SLC5A10: variants seen among roughly 807,000 people sequenced by gnomAD.
SLC5A10 encodes the protein sodium/mannose cotransporter SLC5A10.
Under a neutral mutation model 68.9 loss-of-function variants are expected in SLC5A10, and 55 were observed. That is an observed-to-expected ratio of 0.80 (90% CI 0.64 to 1.00). SLC5A10 has a LOEUF of 1.00. Ranked by LOEUF, SLC5A10 falls within the 50% of genes least tolerant of loss-of-function variation. SLC5A10 has a pLI of 0.00. For missense variants in SLC5A10, 732 were observed against 819.3 expected, an observed-to-expected ratio of 0.89 and a Z score of 1.30; for synonymous variants, 344 against 344.8, an observed-to-expected ratio of 1.00 and a Z score of 0.02.
intron 9 of SLC5A10, chr17:18,978,884 A>G: frequency 1.2e-6 from 2 of 1,604,356 alleles, no homozygotes; most frequent in Non-Finnish European, 1.7e-6. Flanking sequence ...GGTCAGGCAC[A>G]TGACCCTGCT....
intron 2 of SLC5A10, 135 bp from the exon 3 acceptor site, chr17:18,959,000 A>G: frequency 1.2e-6 from 1 of 868,226 alleles, no homozygotes; most frequent in Non-Finnish European, 1.8e-6. Flanking sequence ...TAGAACACAC[A>G]CCCTGGGCTC....
At position 18,958,667 on chromosome 17, in the gene SLC5A10, T is replaced by C. The variant is rs141528556; in HGVS notation, c.112-15T>C. 56 of 1,613,990 alleles carry C rather than the reference T, an allele frequency of 3.5e-5. No individual in the cohort carries two copies. In the African/African-American group the frequency reaches 6.4e-4, roughly 18 times the overall value. On this transcript the variant is annotated splice_polypyrimidine_tract_variant and intron_variant, in intron 1 of 14. Coordinates refer to ENST00000395645, the MANE Select transcript of SLC5A10 (RefSeq NM_001042450.4). ...GTGCGGGCTTCCAACTCCTGTCCCT[T>C]TTCTCCTCTTGCAGTCCTCTTGTCG... is the stretch of plus-strand genomic sequence containing the variant.
In SLC5A10 at chr17:19,017,216, G is replaced by C. The variant is rs2044157967; in HGVS notation, c.1241+2017G>C. ...GCCCCAGTTCTCTCAGCTGCCAGCTGGATAGAGCAGAAAGGGCCCCGTGCC... is the reference window on the plus strand; with the variant it reads ...GCCCCAGTTCTCTCAGCTGCCAGCTCGATAGAGCAGAAAGGGCCCCGTGCC... On this transcript the variant is annotated intron_variant, in intron 11 of 14. Coordinates refer to ENST00000395645, the MANE Select transcript of SLC5A10 (RefSeq NM_001042450.4). The surrounding 1 kb of genome is among the most constrained non-coding windows in gnomAD (Gnocchi z 5.6). The C allele has an allele frequency of 7.2e-7, 1 of 1,398,226 alleles. No homozygotes were observed. 86.6% of individuals were successfully genotyped at this position (1,398,226 alleles called of 1,614,324 possible). A position where few individuals can be genotyped will look rare whatever the true frequency, so the allele number is the denominator to read the frequency against.
At position 19,021,573 on chromosome 17, in the gene SLC5A10, A is replaced by G; in HGVS notation, c.*1142A>G. ...CCAGTGGGTGGTCAGCCCAAGGTGA[A>G]CCCACCCACCATGGCCAGGGTTCCT... On this transcript the variant is annotated 3_prime_UTR_variant, in exon 15 of 15. Coordinates refer to ENST00000395645, the MANE Select transcript of SLC5A10 (RefSeq NM_001042450.4). This position sits in a 1 kb window ranked among gnomAD's most constrained non-coding sequence, Gnocchi z 4.1. The G allele has an allele frequency of 2.7e-6, 1 of 366,932 alleles. No individual in the cohort carries two copies. Among genetic ancestry groups the G allele is most frequent in the Non-Finnish European group, 4.9e-6 (1 of 205,808 alleles). 22.7% of individuals were successfully genotyped at this position (366,932 alleles called of 1,614,324 possible).
At position 18,957,074 on chromosome 17, in the gene SLC5A10, G is replaced by A. The variant is rs139799077; in HGVS notation, c.112-1608G>A. Reference sequence around the variant, plus strand: ...TGAGGCAGGAGAACCGCTCGAACCCGGGAGGTGAAGGTTGCCGTGAGCCAA... The same window carrying A: ...TGAGGCAGGAGAACCGCTCGAACCCAGGAGGTGAAGGTTGCCGTGAGCCAA... On this transcript the variant is annotated intron_variant, in intron 1 of 14. Transcript: ENST00000395645. Among the ~76,000 whole-genome samples the A allele has an allele frequency of 9.9e-3, 1,512 of 152,218 alleles. 22 individuals are homozygous for A. Among genetic ancestry groups the A allele is most frequent in the African/African-American group, 0.034 (1,418 of 41,524 alleles).
intron 9 of SLC5A10, among the ~76,000 whole-genome samples, chr17:19,007,223 A>G (rs1254294434): frequency 7.2e-6 from 1 of 138,172 alleles, no homozygotes; most frequent in Admixed American, 7.7e-5. Context: ...CCATTCTGAT[A>G]GGTAGATCAT....
intron 9 of SLC5A10, among the ~76,000 whole-genome samples, chr17:18,984,457 G>A (rs1391592668): frequency 2.0e-5 from 3 of 152,188 alleles, no homozygotes; most frequent in East Asian, 1.9e-4. Flanking sequence ...CCTGGGCAGC[G>A]GAAGGGCTGG....
Position 19,004,115 on chromosome 17 carries a change from G to T in SLC5A10, c.983-9295G>T. The T allele has an allele frequency of 6.9e-7, 1 of 1,441,228 alleles. No individual in the cohort carries two copies. 89.3% of individuals were successfully genotyped at this position (1,441,228 alleles called of 1,614,324 possible). ...AGCTCCTAGCTCCGGCCCAGCTGGG[G>T]CACCGCGCGCTCGGGGGCCTCTCCG... On this transcript the variant is annotated intron_variant, in intron 9 of 14. Transcript: ENST00000395645. The surrounding 1 kb of genome is among the most constrained non-coding windows in gnomAD (Gnocchi z 5.4).
Position 19,004,052 on chromosome 17 carries a change from G to C in SLC5A10, c.983-9358G>C. On this transcript the variant is annotated intron_variant, in intron 9 of 14. Transcript: ENST00000395645. This position sits in a 1 kb window ranked among gnomAD's most constrained non-coding sequence, Gnocchi z 5.4. ...CTGAGAGAAGGCCATGGCGCCGCCT[G>C]CCCGGGCACTGCTGCCGGGGGTGGG... is the stretch of plus-strand genomic sequence containing the variant. The C allele has an allele frequency of 6.4e-7, 1 of 1,571,976 alleles. No homozygotes were observed. The highest frequency in any genetic ancestry group is 8.6e-7 in the Non-Finnish European group (1 of 1,157,082).
chr17:18,986,061 T>C (rs2043261499), intron 9 of SLC5A10: 1 of 152,160 alleles, frequency 6.6e-6, no homozygotes, highest in Non-Finnish European at 1.5e-5. Flanking sequence ...CCCAGAGAGG[T>C]GGAACCACAC....
chr17:18,955,065 A>G (rs1180844019), intron 1 of SLC5A10, among the ~76,000 whole-genome samples: 1 of 144,990 alleles, frequency 6.9e-6, no homozygotes, highest in Admixed American at 7.0e-5. Flanking sequence ...CAGCATGGGC[A>G]AAAGAGTGAA....
At chr17:18,957,610 C>T (rs1048417346) in intron 1 of SLC5A10, among the ~76,000 whole-genome samples, 25 of 152,062 alleles carry the variant, frequency 1.6e-4, no homozygotes, top group Non-Finnish European at 2.9e-4. Flanking sequence ...GGACTACAGG[C>T]GCCTGCCACC....
chr17:18,963,079 T>C (rs1216627202), intron 5 of SLC5A10, among the ~76,000 whole-genome samples: 1 of 152,024 alleles, frequency 6.6e-6, no homozygotes, highest in African/African-American at 2.4e-5. Flanking sequence ...ATTAGCCAAA[T>C]GTGGTGGCAT....
rs984259773 is a variant in SLC5A10, at chr17:19,000,130, A to G, written c.983-13280A>G. On this transcript the variant is annotated intron_variant, in intron 9 of 14. Transcript: ENST00000395645. This position sits in a 1 kb window ranked among gnomAD's most constrained non-coding sequence, Gnocchi z 5.2. ...CTCTGGTATGTAGTTGGAACCCCAC[A>G]GCAGGTTTTTTCCCAGATAAATCAT... Among the ~76,000 whole-genome samples the G allele has an allele frequency of 6.6e-6, 1 of 152,212 alleles. No individual in the cohort carries two copies. The highest frequency in any genetic ancestry group is 1.5e-5 in the Non-Finnish European group (1 of 68,024).
rs758362566 is a variant in SLC5A10 at position 18,971,114 on chromosome 17, G to A, written c.742G>A (p.Asp248Asn). The A allele has an allele frequency of 6.2e-7, 1 of 1,614,124 alleles. No individual in the cohort carries two copies. The highest frequency in any genetic ancestry group is 8.5e-7 in the Non-Finnish European group (1 of 1,180,034). The change falls in exon 8 of 15, where the codon GAC becomes AAC. Residue 248 changes from aspartate (D) to asparagine (N), a missense_variant. By Grantham distance (23) the Asp-to-Asn change is conservative. Transcript: ENST00000395645. This position sits in a 1 kb window ranked among gnomAD's most constrained non-coding sequence, Gnocchi z 5.5. The stretch of plus-strand genomic sequence containing the variant: ...CACCACCTGCCACCTGCCACGTACA[G>A]ACGCCATGCACATGTTTCGAGACCC... ...ANTTCHLPRT[D>N]AMHMFRDPHT...
chr17:18,971,444 A>G lies in SLC5A10; in HGVS notation c.846+226A>G. On this transcript the variant is annotated intron_variant, in intron 8 of 14. Coordinates refer to ENST00000395645, the MANE Select transcript of SLC5A10 (RefSeq NM_001042450.4). The surrounding 1 kb of genome is among the most constrained non-coding windows in gnomAD (Gnocchi z 5.5). ...CTGGCTACCGCCCGTCCTGGCCTTT[A>G]GGTGCTTCGACTGAGACAGTTTGGA... The G allele has an allele frequency of 6.2e-7, 1 of 1,613,798 alleles. No homozygotes were observed. Among genetic ancestry groups the G allele is most frequent in the Non-Finnish European group, 8.5e-7 (1 of 1,180,022 alleles).
chr17:18,988,698 G>A (rs1272928498), intron 9 of SLC5A10, among the ~76,000 whole-genome samples: 2 of 152,258 alleles, frequency 1.3e-5, no homozygotes, highest in Non-Finnish European at 2.9e-5. Context: ...TAACACCTGG[G>A]AATGCTGAGA....
In SLC5A10 at chr17:18,955,924, G is replaced by A. The variant is rs1019519343; in HGVS notation, c.112-2758G>A. Among the ~76,000 whole-genome samples, 9 of 152,348 alleles carry A rather than the reference G, an allele frequency of 5.9e-5. No individual in the cohort carries two copies. The East Asian group carries it at 1.7e-3, about 29-fold the overall frequency. ...AATAAAAATAAATAGGCCGGGCGCG[G>A]TGGCTCATGCCTGTAATCCCAGCAC... is the stretch of plus-strand genomic sequence containing the variant. On this transcript the variant is annotated intron_variant, in intron 1 of 14. Coordinates refer to ENST00000395645, the MANE Select transcript of SLC5A10 (RefSeq NM_001042450.4).
At chr17:18,978,046 G>A (rs1475889906) in intron 9 of SLC5A10, 3 of 1,528,614 alleles carry the variant, frequency 2.0e-6, no homozygotes, top group African/African-American at 1.4e-5. Context: ...GTAGCCTATG[G>A]TCTGTCCCAT....
Sources: gnomAD v4.1 joint callset for allele counts (sites outside exome capture counted in the v4.1 genomes callset) on GRCh38, gnomAD v4.1.1 for gene constraint, Gnocchi (gnomAD v3.1) non-coding constraint, MANE v1.5 for transcripts, NCBI Gene and HGNC (gene_info 2026-07-23, HGNC 2026-07-21) for gene names.